The following POLN variants were observed in gnomAD, a reference collection of about 807,000 sequenced individuals.
POLN encodes the protein DNA polymerase nu.
Under a neutral mutation model 113.5 loss-of-function variants are expected in POLN, and 108 were observed. The ratio of observed to expected loss-of-function variants is 0.95; its 90% CI spans 0.81 to 1.12. The LOEUF (loss-of-function observed/expected upper bound fraction) is 1.12, where lower values mean the gene tolerates loss of function less well. Among genes scored for constraint, POLN ranks in the 50% most tolerant of loss-of-function variants. The pLI is 0.00. For missense variants in POLN, 1,097 were observed against 1,077.1 expected (o/e 1.02, Z -0.26); for synonymous variants, 386 against 391.5 (o/e 0.99, Z 0.17).
chr4:2,133,135 TTA>T (rs1287230245), intron 16 of POLN, among the ~76,000 whole-genome samples: 3 of 101,586 alleles, frequency 3.0e-5, no homozygotes, highest in East Asian at 5.2e-4. Flanking sequence ...TACATGGCTA[TTA>T]TAAAAAATGG....
chr4:2,199,094 C>A (rs1358862342), intron 5 of POLN, among the ~76,000 whole-genome samples: 1 of 152,096 alleles, frequency 6.6e-6, no homozygotes, highest in Non-Finnish European at 1.5e-5. Context: ...AGCAAGGTTG[C>A]AGGAACCAAG....
At position 2,209,375 on chromosome 4, in the gene POLN, G is replaced by A. The variant is rs572727347; in HGVS notation, c.214-888C>T. ...CATGCCTGTAATCCCAGCTACTCAG[G>A]AGGCTGAGGCAGAGAATCGCTTGAA... is the stretch of plus-strand genomic sequence containing the variant. On this transcript the variant is annotated intron_variant, in intron 4 of 25. Transcript: ENST00000511885. 2.6e-5 allele frequency among the ~76,000 whole-genome samples: 4 copies of A among 151,430 alleles called. No homozygotes were observed. The South Asian group carries it at 8.3e-4, about 32-fold the overall frequency.
intron 25 of POLN, among the ~76,000 whole-genome samples, chr4:2,072,661 G>C (rs1166940995): frequency 1.3e-5 from 2 of 152,160 alleles, no homozygotes; most frequent in East Asian, 3.9e-4. Context: ...CGGGAGGATT[G>C]GTGGCTCCTA....
chr4:2,171,232 A>G, intron 11 of POLN, 51 bp from the exon 12 acceptor site: 1 of 1,533,732 alleles, frequency 6.5e-7, no homozygotes, highest in Non-Finnish European at 9.0e-7. Context: ...TCACAATTTA[A>G]GATTGTTTAA....
intron 2 of POLN, among the ~76,000 whole-genome samples, chr4:2,233,061 A>G (rs1734639249): frequency 1.3e-5 from 2 of 152,206 alleles, no homozygotes; most frequent in South Asian, 4.1e-4. Flanking sequence ...ATTCTAATGT[A>G]CAAGTTCAAG....
chr4:2,207,937 C>T (rs761685250), intron 5 of POLN, 50 bp downstream of exon 5: 8 of 1,511,338 alleles, frequency 5.3e-6, no homozygotes, highest in Admixed American at 4.9e-5. Context: ...AGAAAATGGG[C>T]TTCTTTTATG....
intron 13 of POLN, 21 bp downstream of exon 13, chr4:2,170,658 A>C (rs768363529): frequency 1.3e-6 from 2 of 1,593,510 alleles, no homozygotes; most frequent in Non-Finnish European, 1.7e-6. Flanking sequence ...AAAAAGAAAA[A>C]GGATAACTCT....
At chr4:2,120,385 G>A (rs1198126868) in intron 19 of POLN, among the ~76,000 whole-genome samples, 1 of 151,282 alleles carries the variant, frequency 6.6e-6, no homozygotes, top group Non-Finnish European at 1.5e-5. Context: ...CCCCGAACAT[G>A]GTATTTCTCT....
At position 2,128,025 on chromosome 4, in the gene POLN, T is replaced by C. The variant is rs1052056766; in HGVS notation, c.1982+88A>G. The C allele has an allele frequency of 8.4e-6, 7 of 830,400 alleles. No homozygotes were observed. The Admixed American group carries it at 1.0e-4, about 12-fold the overall frequency. The allele number at this position is 830,400 out of a possible 1,614,324, so 51.4% of individuals were successfully genotyped here. A position where few individuals can be genotyped will look rare whatever the true frequency, so the allele number is the denominator to read the frequency against. On this transcript the variant is annotated intron_variant, in intron 19 of 25. Transcript: ENST00000511885. Reference sequence around the variant, plus strand: ...CACAAAAAATATAATTTCTGCCTTATGAAAGTAGCCTTGGAATAATTCCAG... The same window carrying C: ...CACAAAAAATATAATTTCTGCCTTACGAAAGTAGCCTTGGAATAATTCCAG...
chr4:2,212,543 T>TC (rs1387868574), intron 4 of POLN, among the ~76,000 whole-genome samples: 2 of 146,982 alleles, frequency 1.4e-5, no homozygotes, highest in African/African-American at 5.0e-5. Flanking sequence ...CCCAGTTAAT[T>TC]TTTTTTTTTT....
chr4:2,156,207 G>A (rs1180673454), intron 16 of POLN, among the ~76,000 whole-genome samples: 5 of 152,136 alleles, frequency 3.3e-5, no homozygotes, highest in African/African-American at 1.2e-4. Context: ...CTGCACAGTG[G>A]ATAACAAGTG....
chr4:2,102,380 T>C (rs1250528505), intron 19 of POLN, among the ~76,000 whole-genome samples: 1 of 152,102 alleles, frequency 6.6e-6, no homozygotes, highest in Non-Finnish European at 1.5e-5. Context: ...CTCAGCTGGC[T>C]CCTACCTGCA....
chr4:2,212,945 G>T (rs534718946), intron 4 of POLN, 102 bp downstream of exon 4: 59 of 591,954 alleles, frequency 1.0e-4, no homozygotes, highest in Middle Eastern at 1.0e-3. Flanking sequence ...TTTTTTTAAG[G>T]TGTGGTATCT....
chr4:2,156,189 C>T (rs1431283210), intron 16 of POLN, among the ~76,000 whole-genome samples: 2 of 152,130 alleles, frequency 1.3e-5, no homozygotes, highest in African/African-American at 4.8e-5. Context: ...AAGATAGATA[C>T]CACAGTTCTG....
chr4:2,230,784 C>T (rs1200140277), intron 2 of POLN: 1 of 152,034 alleles, frequency 6.6e-6, no homozygotes, highest in Non-Finnish European at 1.5e-5. Flanking sequence ...ATGGTATTTA[C>T]CACAGGCCAT....
chr4:2,129,241 A>G lies in POLN; in HGVS notation c.1805T>C (p.Ile602Thr). The part of the protein sequence containing the change: ...PKNFKGKEDK[I>T]LTISPRAMFV... Reference sequence around the variant, plus strand: ...CATGGCCCTCGGGGAGATCGTGAGAATCTTGTCTTCTTTACCTGAATTGTT... The same window carrying G: ...CATGGCCCTCGGGGAGATCGTGAGAGTCTTGTCTTCTTTACCTGAATTGTT... The change falls in exon 18 of 26, where the codon ATT (isoleucine) becomes ACT (threonine). Residue 602 changes from isoleucine to threonine, a missense_variant. By Grantham distance (89) the Ile-to-Thr change is moderately conservative. Transcript: ENST00000511885. The G allele has an allele frequency of 6.3e-7, 1 of 1,593,150 alleles. No individual in the cohort carries two copies. The highest frequency in any genetic ancestry group is 8.6e-7 in the Non-Finnish European group (1 of 1,161,218).
chr4:2,201,273 A>G (rs1449286240), intron 5 of POLN, among the ~76,000 whole-genome samples: 2 of 72,906 alleles, frequency 2.7e-5, no homozygotes, highest in Non-Finnish European at 6.2e-5. Context: ...TCCCCCTACC[A>G]CTCCAAAAAA....
chr4:2,232,256 C>T, intron 2 of POLN: 1 of 561,508 alleles, frequency 1.8e-6, no homozygotes, highest in East Asian at 3.4e-5. Flanking sequence ...CTTTAAAGGA[C>T]TTAATAACTT....
intron 2 of POLN, chr4:2,232,016 A>G (rs753160850): frequency 6.6e-7 from 1 of 1,505,886 alleles, no homozygotes; most frequent in South Asian, 1.2e-5. Flanking sequence ...TTTAAAAAAT[A>G]TACATAGAAT....
Sources: gnomAD v4.1 joint callset for allele counts (sites outside exome capture counted in the v4.1 genomes callset) on GRCh38, gnomAD v4.1.1 for gene constraint, MANE v1.5 for transcripts, NCBI Gene and HGNC (gene_info 2026-07-23, HGNC 2026-07-21) for gene names.